PVT1: variants seen among roughly 807,000 people sequenced by gnomAD.
PVT1 encodes the protein CXCR4/PVT1 fusion.
rs564638152 is a variant in PVT1, at chr8:127,935,618, G to A, written n.782+44620G>A. On this transcript the variant is annotated intron_variant and non_coding_transcript_variant, in intron 3 of 10. Coordinates refer to ENST00000651587, the Ensembl canonical transcript of PVT1. ...GGGTCTGGTCCAAAGCCTAGAAGAA[G>A]GTGAGCCATGCGTGGCCCGATGGCA... 4.2e-4 allele frequency among the ~76,000 whole-genome samples: 64 copies of A among 152,238 alleles called. 1 individual carries two copies. The highest frequency in any genetic ancestry group is 1.5e-3 in the African/African-American group (62 of 41,500).
At chr8:127,900,173 C>T (rs1312991631) in intron 3 of PVT1, among the ~76,000 whole-genome samples, 4 of 152,084 alleles carry the variant, frequency 2.6e-5, no homozygotes, top group Non-Finnish European at 4.4e-5. Context: ...TCCTGAGTAG[C>T]TGGGACTGCA....
At chr8:128,063,190 G>T (rs752129473) in intron 4 of PVT1, among the ~76,000 whole-genome samples, 3 of 152,126 alleles carry the variant, frequency 2.0e-5, no homozygotes, top group Non-Finnish European at 4.4e-5. Flanking sequence ...TTATTGCTAG[G>T]TTTCATCTGT....
intron 2 of PVT1, among the ~76,000 whole-genome samples, chr8:127,877,645 T>C (rs1486428146): frequency 6.6e-6 from 1 of 152,206 alleles, no homozygotes; most frequent in Non-Finnish European, 1.5e-5. Context: ...AGTCCTGTTT[T>C]GTAAATGAGA....
chr8:128,039,617 G>A (rs1287833741), intron 4 of PVT1, among the ~76,000 whole-genome samples: 1 of 152,210 alleles, frequency 6.6e-6, no homozygotes, highest in African/African-American at 2.4e-5. Context: ...AAAAGATAGG[G>A]ATGAGATGGC....
chr8:128,019,682 G>A (rs1015597022), intron 4 of PVT1, among the ~76,000 whole-genome samples: 1 of 152,132 alleles, frequency 6.6e-6, no homozygotes, highest in African/African-American at 2.4e-5. Context: ...TGTCTTCCTA[G>A]ACCAGCATGT....
chr8:127,798,291 C>G (rs574098424), intron 2 of PVT1, among the ~76,000 whole-genome samples: 6 of 150,610 alleles, frequency 4.0e-5, no homozygotes, highest in Admixed American at 2.0e-4. Context: ...GCAACAAGAG[C>G]AAAACTCAGT....
chr8:128,099,736 C>A (rs911331775), intron 6 of PVT1: 1 of 152,144 alleles, frequency 6.6e-6, no homozygotes, highest in Non-Finnish European at 1.5e-5. Context: ...AGTACAGTTT[C>A]TATGTACATA....
chr8:128,017,620 G>C (rs1229069047), intron 4 of PVT1, among the ~76,000 whole-genome samples: 1 of 149,304 alleles, frequency 6.7e-6, no homozygotes, highest in East Asian at 2.0e-4. Flanking sequence ...AATTTTTTTA[G>C]AGGCAGGGAT....
chr8:128,101,245 T>C (rs903094638), intron 6 of PVT1: 1 of 152,276 alleles, frequency 6.6e-6, no homozygotes, highest in African/African-American at 2.4e-5. Context: ...TTAAATTCTT[T>C]TTCTACTACA....
At chr8:127,815,370 T>C (rs138512283) in intron 2 of PVT1, among the ~76,000 whole-genome samples, 126 of 152,368 alleles carry the variant, frequency 8.3e-4, no homozygotes, top group African/African-American at 2.9e-3. Context: ...TTTAACTCTT[T>C]GTTTTGTTGC....
At chr8:128,079,748 G>A (rs1177053875) in intron 5 of PVT1, among the ~76,000 whole-genome samples, 2 of 151,764 alleles carry the variant, frequency 1.3e-5, no homozygotes, top group African/African-American at 4.8e-5. Flanking sequence ...TTTTTGAGAT[G>A]GAGTCTCACT....
chr8:128,075,310 CCTT>C (rs1172713190), intron 5 of PVT1, among the ~76,000 whole-genome samples: 1 of 152,122 alleles, frequency 6.6e-6, no homozygotes, highest in Non-Finnish European at 1.5e-5. Context: ...GAAACCTCCT[CCTT>C]CTGTGTTAGA....
intron 2 of PVT1, among the ~76,000 whole-genome samples, chr8:127,810,078 C>A (rs1479684772): frequency 6.6e-6 from 1 of 152,222 alleles, no homozygotes; most frequent in East Asian, 1.9e-4. Flanking sequence ...AGATGCCCCC[C>A]AGAAGCATGC....
At chr8:127,883,758 G>A (rs930248055) in intron 2 of PVT1, among the ~76,000 whole-genome samples, 5 of 152,232 alleles carry the variant, frequency 3.3e-5, no homozygotes, top group Non-Finnish European at 7.3e-5. Context: ...GGAGCCAAGA[G>A]AATGGGGCTG....
intron 3 of PVT1, among the ~76,000 whole-genome samples, chr8:127,922,035 A>G (rs566816685): frequency 6.6e-6 from 1 of 151,086 alleles, no homozygotes; most frequent in East Asian, 2.0e-4. Context: ...TAATTTTTGT[A>G]TTTTTAGTAG....
intron 3 of PVT1, chr8:127,946,475 C>T (rs924651263): frequency 6.6e-6 from 1 of 152,152 alleles, no homozygotes; most frequent in Non-Finnish European, 1.5e-5. Flanking sequence ...GCTCTGGTAA[C>T]TAGTTTGTGT....
intron 3 of PVT1, chr8:127,947,542 G>T (rs1358373060): frequency 8.3e-6 from 3 of 363,296 alleles, no homozygotes; most frequent in Admixed American, 3.7e-5. Context: ...TGGGCCTCAG[G>T]TTTCTCCCCT....
At chr8:127,980,466 C>T (rs1040322770) in intron 3 of PVT1, among the ~76,000 whole-genome samples, 3 of 152,066 alleles carry the variant, frequency 2.0e-5, no homozygotes, top group African/African-American at 7.2e-5. Context: ...TCTGGGCCAG[C>T]GTTGGGCTCA....
At chr8:127,816,565 TG>T (rs1814663172) in intron 2 of PVT1, among the ~76,000 whole-genome samples, 1 of 151,494 alleles carries the variant, frequency 6.6e-6, no homozygotes, top group South Asian at 2.1e-4. Context: ...TCACCCAGGA[TG>T]GGGATGGAGT....
Sources: gnomAD v4.1 joint callset for allele counts (sites outside exome capture counted in the v4.1 genomes callset) on GRCh38, gnomAD v4.1.1 for gene constraint, MANE v1.5 for transcripts, NCBI Gene and HGNC (gene_info 2026-07-23, HGNC 2026-07-21) for gene names.